Variants in NAV1 observed in about 807,000 individuals in gnomAD.
NAV1 encodes the protein pore membrane and/or filament interacting like protein 3.
NAV1 carries 18 observed loss-of-function variants against 175.2 expected under a neutral mutation model. That is an observed-to-expected ratio of 0.10 (90% CI 0.07 to 0.15). The LOEUF is 0.15. Ranked by LOEUF, NAV1 falls within the 10% of genes least tolerant of loss-of-function variation. The pLI, the probability that NAV1 is intolerant of heterozygous loss-of-function variation, is 1.00. For synonymous variants in NAV1, 897 were observed against 978.7 expected (o/e 0.92, Z 1.56); for missense variants, 1,731 against 2,436.6 (o/e 0.71, Z 6.10).
chr1:201,690,690 A>AGT (rs1472405136), intron 1 of NAV1, among the ~76,000 whole-genome samples: 3 of 127,592 alleles, frequency 2.4e-5, no homozygotes, highest in South Asian at 2.7e-4. Context: ...TGTCCGTGGC[A>AGT]GTGTGTGTGT....
intron 3 of NAV1, among the ~76,000 whole-genome samples, chr1:201,741,195 T>C (rs1170747172): frequency 6.6e-6 from 1 of 152,170 alleles, no homozygotes; most frequent in Non-Finnish European, 1.5e-5. Flanking sequence ...GGGCAAGGCC[T>C]GAAACGAGAG....
At chr1:201,811,262 G>T (rs540883757) in intron 24 of NAV1, among the ~76,000 whole-genome samples, 1 of 152,250 alleles carries the variant, frequency 6.6e-6, no homozygotes, top group South Asian at 2.1e-4. Flanking sequence ...GATGTCTCTT[G>T]AGTACCCTAA....
intron 13 of NAV1, chr1:201,792,779 T>C (rs1677198980): frequency 6.6e-6 from 1 of 152,232 alleles, no homozygotes; most frequent in African/African-American, 2.4e-5. Context: ...AGGCTCTAAC[T>C]GGACTAAAGG....
chr1:201,688,948 C>G (rs1670789120), intron 1 of NAV1, among the ~76,000 whole-genome samples: 2 of 152,176 alleles, frequency 1.3e-5, no homozygotes, highest in Admixed American at 6.5e-5. Flanking sequence ...GCACTGCTGA[C>G]CTTGAGTTTA....
At chr1:201,809,614 A>G in intron 22 of NAV1, 77 bp downstream of exon 26, 1 of 1,369,716 alleles carries the variant, frequency 7.3e-7, no homozygotes, top group South Asian at 1.3e-5. Context: ...ACAGGGTCTC[A>G]CTCTTGCCAC....
intron 2 of NAV1, among the ~76,000 whole-genome samples, chr1:201,592,835 C>A (rs1319279513): frequency 1.3e-5 from 2 of 152,120 alleles, no homozygotes; most frequent in East Asian, 3.9e-4. Flanking sequence ...TACCTCCCAG[C>A]TCAGAGCCCT....
In NAV1 at chr1:201,598,252, A is replaced by C. The variant is rs188423498; in HGVS notation, c.-33+9603A>C. 2.9e-4 allele frequency among the ~76,000 whole-genome samples: 44 copies of C among 152,328 alleles called. 1 individual carries two copies. In the East Asian group the frequency reaches 7.7e-3, roughly 27 times the overall value. Reference sequence around the variant, plus strand: ...TAGAAATTAGCTAAGGATAAGCTTGAAACCTCGTGGTGTGTGGATAAATGA... The same window carrying C: ...TAGAAATTAGCTAAGGATAAGCTTGCAACCTCGTGGTGTGTGGATAAATGA... On this transcript the variant is annotated intron_variant, in intron 2 of 33. Coordinates refer to the NAV1 transcript ENST00000685211.
intron 1 of NAV1, among the ~76,000 whole-genome samples, chr1:201,562,337 G>A (rs966120131): frequency 1.3e-5 from 2 of 152,140 alleles, no homozygotes; most frequent in Non-Finnish European, 2.9e-5. Flanking sequence ...ATTTTTCTAA[G>A]GTCAAGTATG....
At chr1:201,783,007 C>T (rs1490198999) in intron 6 of NAV1, 138 bp downstream of exon 10, 6 of 703,538 alleles carry the variant, frequency 8.5e-6, no homozygotes, top group Non-Finnish European at 1.4e-5. Flanking sequence ...CCCACCTCTC[C>T]CCCATATGCC....
rs138729272 is a variant in NAV1, at chr1:201,778,265, T to C, written c.1227-2156T>C. On this transcript the variant is annotated intron_variant, in intron 3 of 29. Transcript: ENST00000367296. ...AATGTGGGGCAAAGGAAGGTTTCTT[T>C]TGGATTTCTGAGCTGCAGCAATCCT... is the stretch of plus-strand genomic sequence containing the variant. Among the ~76,000 whole-genome samples, 864 of 152,318 alleles carry C rather than the reference T, an allele frequency of 5.7e-3. 9 individuals carry two copies. Among genetic ancestry groups the C allele is most frequent in the African/African-American group, 0.02 (822 of 41,572 alleles).
intron 1 of NAV1, among the ~76,000 whole-genome samples, chr1:201,698,777 G>A (rs1216274312): frequency 1.3e-5 from 2 of 152,222 alleles, no homozygotes; most frequent in South Asian, 4.1e-4. Context: ...GGACAGGCCT[G>A]GGGGTGGAGG....
At chr1:201,549,241 T>G (rs1258881145) in intron 1 of NAV1, among the ~76,000 whole-genome samples, 2 of 151,746 alleles carry the variant, frequency 1.3e-5, no homozygotes, top group Non-Finnish European at 2.9e-5. Context: ...AAAGTCTCAC[T>G]CTGTCACCCA....
intron 12 of NAV1, 51 bp from the exon 17 acceptor site, chr1:201,790,638 A>C: frequency 1.2e-6 from 2 of 1,613,718 alleles, no homozygotes; most frequent in Non-Finnish European, 1.7e-6. Flanking sequence ...TTCCTTCCAA[A>C]TCTTATACAG....
In NAV1 at chr1:201,787,920, C is replaced by T. The variant is rs139042007; in HGVS notation, c.2996-548C>T. On this transcript the variant is annotated intron_variant, in intron 9 of 29. Coordinates refer to ENST00000367296, the Ensembl canonical transcript of NAV1. This position sits in a 1 kb window ranked among gnomAD's most constrained non-coding sequence, Gnocchi z 4.3. ...AGGGCCATGTTTCTTGATGCTTTAG[C>T]GCCAACCCAGTCACTCAGAGTGACA... Among the ~76,000 whole-genome samples, 1,758 of 152,286 alleles carry T rather than the reference C, an allele frequency of 0.012. 13 individuals carry two copies. Among genetic ancestry groups the T allele is most frequent in the Non-Finnish European group, 0.02 (1,384 of 68,006 alleles).
chr1:201,547,820 A>G (rs1304063136), intron 1 of NAV1, among the ~76,000 whole-genome samples: 1 of 152,108 alleles, frequency 6.6e-6, no homozygotes, highest in Non-Finnish European at 1.5e-5. Flanking sequence ...TTTGAGACGG[A>G]GTCTTGCTCT....
intron 1 of NAV1, among the ~76,000 whole-genome samples, chr1:201,693,343 G>A (rs1454209501): frequency 6.6e-6 from 1 of 152,186 alleles, no homozygotes; most frequent in Non-Finnish European, 1.5e-5. Context: ...CCAAGAGGAG[G>A]GGCCAGATGA....
At chr1:201,778,554 T>C (rs1050610130) in intron 3 of NAV1, among the ~76,000 whole-genome samples, 1 of 152,182 alleles carries the variant, frequency 6.6e-6, no homozygotes, top group South Asian at 2.1e-4. Flanking sequence ...CCAGGACAAA[T>C]GTGAGGTTTA....
chr1:201,659,355 C>A (rs184938712), intron 1 of NAV1, among the ~76,000 whole-genome samples: 202 of 152,328 alleles, frequency 1.3e-3, no homozygotes, highest in African/African-American at 4.4e-3. Context: ...GTGGCTCACA[C>A]CTGTAATCCC....
In NAV1 at chr1:201,740,328, T is replaced by A. The variant is rs1673334981; in HGVS notation, c.1226+21573T>A. Among the ~76,000 whole-genome samples, 1 of 151,996 alleles carries A rather than the reference T, an allele frequency of 6.6e-6. No individual in the cohort carries two copies. Among genetic ancestry groups the A allele is most frequent in the South Asian group, 2.1e-4 (1 of 4,786 alleles). The stretch of plus-strand genomic sequence containing the variant: ...GCATCTGGGGCTGGGAGTGGGTGTG[T>A]GGAGGGCTCTAGGGAGTGGAAAGGG... On this transcript the variant is annotated intron_variant, in intron 3 of 29. Transcript: ENST00000367296. The surrounding 1 kb of genome is among the most constrained non-coding windows in gnomAD (Gnocchi z 4.7).
Sources: allele counts gnomAD v4.1 joint callset (sites outside exome capture counted in the v4.1 genomes callset), GRCh38; gene constraint gnomAD v4.1.1; non-coding constraint Gnocchi (gnomAD v3.1); transcripts MANE v1.5; gene names NCBI Gene and HGNC (gene_info 2026-07-23, HGNC 2026-07-21).